Variants in STAT3 observed in about 807,000 individuals in gnomAD.
STAT3 encodes signal transducer and activator of transcription 3.
In STAT3, 7 loss-of-function variants were observed where a neutral mutation model predicts 114.3. The ratio of observed to expected loss-of-function variants is 0.06; its 90% CI spans 0.03 to 0.11. The LOEUF is 0.11. Among genes scored for constraint, STAT3 ranks in the 10% least tolerant of loss-of-function variants. The pLI is 1.00. For synonymous variants in STAT3, 331 were observed against 354.5 expected (o/e 0.93, Z 0.74); for missense variants, 364 against 960.9 (o/e 0.38, Z 8.21).
intron 4 of STAT3, among the ~76,000 whole-genome samples, chr17:42,341,136 T>G (rs557789009): frequency 6.6e-6 from 1 of 152,322 alleles, no homozygotes; most frequent in South Asian, 2.1e-4. Flanking sequence ...TCATGTCTAT[T>G]TCTCAAGCAG....
At chr17:42,317,409 G>A in intron 21 of STAT3, 185 bp from the exon 22 acceptor site, 2 of 684,428 alleles carry the variant, frequency 2.9e-6, no homozygotes, top group Non-Finnish European at 5.1e-6. Context: ...TGATCTCCCA[G>A]GCACTAGCAG....
intron 1 of STAT3, among the ~76,000 whole-genome samples, chr17:42,363,093 T>C (rs779269478): frequency 2.6e-5 from 4 of 152,132 alleles, no homozygotes; most frequent in Admixed American, 2.0e-4. Context: ...GTCTGGCTCA[T>C]AATAGGTGCT....
At chr17:42,316,499 A>G (rs922646385) in intron 23 of STAT3, 6 of 652,742 alleles carry the variant, frequency 9.2e-6, no homozygotes, top group South Asian at 4.5e-5. Flanking sequence ...GATTACAGGC[A>G]TGAGCCACTC....
At chr17:42,322,540 G>C (rs1305315066) in intron 20 of STAT3, 46 bp from the exon 21 acceptor site, 1 of 1,607,576 alleles carries the variant, frequency 6.2e-7, no homozygotes, top group East Asian at 2.2e-5. Context: ...CTACAGCTAG[G>C]TCATCTCAGA....
chr17:42,373,029 T>C (rs2084241447), intron 1 of STAT3, among the ~76,000 whole-genome samples: 1 of 152,098 alleles, frequency 6.6e-6, no homozygotes. Context: ...TTCCACATAA[T>C]TTTTCTGTAA....
intron 1 of STAT3, among the ~76,000 whole-genome samples, chr17:42,372,929 T>C (rs2084235751): frequency 6.6e-6 from 1 of 152,186 alleles, no homozygotes; most frequent in Admixed American, 6.5e-5. Flanking sequence ...AGTTGGTTCA[T>C]TAGTTGTAAG....
At chr17:42,317,079 G>A (rs1386015949) in intron 22 of STAT3, 103 bp downstream of exon 22, 1 of 1,589,520 alleles carries the variant, frequency 6.3e-7, no homozygotes, top group Non-Finnish European at 8.6e-7. Flanking sequence ...ATAGCCCAGG[G>A]GCTTCCAACC....
chr17:42,324,559 C>T lies in STAT3; in HGVS notation c.1600+152G>A. 1.7e-6 allele frequency: 2 copies of T among 1,145,148 alleles called. No homozygotes were observed. Among genetic ancestry groups the T allele is most frequent in the Non-Finnish European group, 2.5e-6 (2 of 809,170 alleles). 70.9% of individuals were successfully genotyped at this position (1,145,148 alleles called of 1,614,324 possible). A position where few individuals can be genotyped will look rare whatever the true frequency, so the allele number is the denominator to read the frequency against. On this transcript the variant is annotated intron_variant, in intron 17 of 23. Coordinates refer to ENST00000264657, the MANE Select transcript of STAT3 (RefSeq NM_139276.3). This position sits in a 1 kb window ranked among gnomAD's most constrained non-coding sequence, Gnocchi z 4.5. Reference sequence around the variant, plus strand: ...AAACTGTCTCTGCACCCCAACTCCCCAACTCCCCTGTTTCCTGGCACCAGC... The same window carrying T: ...AAACTGTCTCTGCACCCCAACTCCCTAACTCCCCTGTTTCCTGGCACCAGC...
At position 42,351,274 on chromosome 17, in the gene STAT3, G is replaced by T. The variant is rs144490031; in HGVS notation, c.-23-2735C>A. ...TTTATTTATTTATTTTTTGGAGACA[G>T]GCACTCTGTCACCCAGGCTGGAGTG... On this transcript the variant is annotated intron_variant, in intron 1 of 23. Coordinates refer to ENST00000264657, the MANE Select transcript of STAT3 (RefSeq NM_139276.3). Among the ~76,000 whole-genome samples the T allele has an allele frequency of 7.7e-4, 117 of 151,732 alleles. 1 individual carries two copies. The highest frequency in any genetic ancestry group is 2.8e-3 in the African/African-American group (114 of 41,370).
At chr17:42,354,806 C>CCAAAAAAAAAA (rs2083151108) in intron 1 of STAT3, among the ~76,000 whole-genome samples, 1 of 104,442 alleles carries the variant, frequency 9.6e-6, no homozygotes, top group Non-Finnish European at 1.8e-5. Context: ...GACTCTGTCT[C>CCAAAAAAAAAA]AAAAAAAAAA....
At chr17:42,348,243 T>C in intron 2 of STAT3, 146 bp downstream of exon 2, 1 of 1,190,094 alleles carries the variant, frequency 8.4e-7, no homozygotes, top group Non-Finnish European at 1.2e-6. Flanking sequence ...GACCAAAGGG[T>C]GCCCCTTTAT....
chr17:42,326,057 G>A, intron 15 of STAT3, 59 bp downstream of exon 15: 1 of 1,456,432 alleles, frequency 6.9e-7, no homozygotes, highest in Non-Finnish European at 9.6e-7. Flanking sequence ...CCCAGTGGAA[G>A]TTTTTGTCCT....
chr17:42,371,067 C>T (rs2084097966), intron 1 of STAT3, among the ~76,000 whole-genome samples: 1 of 152,114 alleles, frequency 6.6e-6, no homozygotes, highest in South Asian at 2.1e-4. Flanking sequence ...TTTGCTGATG[C>T]TTTGAATGAA....
intron 1 of STAT3, among the ~76,000 whole-genome samples, chr17:42,381,177 T>A (rs535010307): frequency 2.6e-4 from 40 of 152,270 alleles, no homozygotes; most frequent in Non-Finnish European, 1.6e-4. Flanking sequence ...TATAGTAACT[T>A]TGGACCATGA....
chr17:42,329,839 G>T, intron 11 of STAT3, 63 bp from the exon 12 acceptor site: 1 of 1,571,912 alleles, frequency 6.4e-7, no homozygotes, highest in South Asian at 1.1e-5. Flanking sequence ...AGCCTACTTT[G>T]ACCACCTGTT....
At chr17:42,375,980 G>A (rs574163457) in intron 1 of STAT3, among the ~76,000 whole-genome samples, 1 of 151,780 alleles carries the variant, frequency 6.6e-6, no homozygotes, top group East Asian at 1.9e-4. Context: ...GTAAAACCCT[G>A]TCTCTACTAA....
intron 10 of STAT3, among the ~76,000 whole-genome samples, chr17:42,332,102 T>C (rs1404237894): frequency 6.6e-6 from 1 of 151,672 alleles, no homozygotes; most frequent in Non-Finnish European, 1.5e-5. Flanking sequence ...TAATTTTGTA[T>C]TTTTAGTAGA....
At chr17:42,340,576 G>A (rs779076269) in intron 4 of STAT3, among the ~76,000 whole-genome samples, 1 of 151,976 alleles carries the variant, frequency 6.6e-6, no homozygotes, top group South Asian at 2.1e-4. Flanking sequence ...TAGCTACTTG[G>A]GAGGCTGAGG....
chr17:42,349,115 C>T (rs965594495), intron 1 of STAT3, among the ~76,000 whole-genome samples: 3 of 152,086 alleles, frequency 2.0e-5, no homozygotes, highest in African/African-American at 7.2e-5. Flanking sequence ...CCTCCTGCCT[C>T]GGCTTCCCAA....
Sources: allele counts gnomAD v4.1 joint callset (sites outside exome capture counted in the v4.1 genomes callset), GRCh38; gene constraint gnomAD v4.1.1; non-coding constraint Gnocchi (gnomAD v3.1); transcripts MANE v1.5; gene names NCBI Gene and HGNC (gene_info 2026-07-23, HGNC 2026-07-21).